Variants in PALS2 observed in about 807,000 individuals in gnomAD.
The protein encoded by PALS2 is protein associated with LIN7 2, MAGUK p55 family member, also known as protein PALS2.
Under a neutral mutation model 61.6 loss-of-function variants are expected in PALS2, and 27 were observed. The ratio of observed to expected loss-of-function variants is 0.44; its 90% CI spans 0.32 to 0.60. PALS2 has a LOEUF of 0.60. PALS2 is among the 20% of genes least tolerant of loss of function. The pLI is 0.05. For missense variants in PALS2, 554 were observed against 639.4 expected (o/e 0.87, Z 1.44); for synonymous variants, 236 against 218.6 (o/e 1.08, Z -0.70).
intron 2 of PALS2, among the ~76,000 whole-genome samples, chr7:24,633,350 G>GTTTTTT (rs35300093): frequency 2.8e-5 from 3 of 106,242 alleles, no homozygotes; most frequent in East Asian, 2.9e-4. Context: ...GGTTGGTGGA[G>GTTTTTT]TTTTTTTTTT....
chr7:24,627,552 C>CA (rs1303554056), intron 2 of PALS2, among the ~76,000 whole-genome samples: 1 of 151,876 alleles, frequency 6.6e-6, no homozygotes, highest in African/African-American at 2.4e-5. Flanking sequence ...AAAAACCCTT[C>CA]AAAAAAACAA....
intron 3 of PALS2, among the ~76,000 whole-genome samples, chr7:24,649,328 A>G (rs1786017291): frequency 6.6e-6 from 1 of 152,160 alleles, no homozygotes. Flanking sequence ...CTGGAAACCT[A>G]GGTTCAGTTT....
intron 1 of PALS2, among the ~76,000 whole-genome samples, chr7:24,595,548 AT>A (rs1384790929): frequency 1.1e-4 from 15 of 136,690 alleles, no homozygotes; most frequent in African/African-American, 3.8e-4. Flanking sequence ...TAATATATAA[AT>A]ATATATTAAC....
chr7:24,621,079 C>T (rs1467047110), intron 1 of PALS2, among the ~76,000 whole-genome samples: 1 of 152,140 alleles, frequency 6.6e-6, no homozygotes, highest in Non-Finnish European at 1.5e-5. Flanking sequence ...CTATTGTTCC[C>T]TGCCCACTTA....
intron 9 of PALS2, among the ~76,000 whole-genome samples, chr7:24,674,891 T>C (rs1787480577): frequency 6.6e-6 from 1 of 152,192 alleles, no homozygotes; most frequent in African/African-American, 2.4e-5. Flanking sequence ...AGTATTACTT[T>C]GTTGATTGTG....
At chr7:24,632,098 A>G (rs895146054) in intron 2 of PALS2, among the ~76,000 whole-genome samples, 1 of 152,192 alleles carries the variant, frequency 6.6e-6, no homozygotes, top group East Asian at 1.9e-4. Context: ...CAGTTCTGTC[A>G]GATTTTACCT....
intron 1 of PALS2, chr7:24,597,168 C>T (rs1039818832): frequency 1.3e-5 from 2 of 151,948 alleles, no homozygotes; most frequent in African/African-American, 2.4e-5. Context: ...TGGGGAAAAA[C>T]GTAAAGAAGG....
intron 1 of PALS2, among the ~76,000 whole-genome samples, chr7:24,612,160 C>T (rs956694956): frequency 2.0e-5 from 3 of 151,846 alleles, no homozygotes; most frequent in Non-Finnish European, 4.4e-5. Context: ...TAATACTTTG[C>T]TGCTGTTTTA....
chr7:24,621,996 T>C (rs370002558), intron 1 of PALS2, among the ~76,000 whole-genome samples: 2 of 152,060 alleles, frequency 1.3e-5, no homozygotes, highest in African/African-American at 4.8e-5. Flanking sequence ...CATAAATGTA[T>C]GGATTTGTTT....
chr7:24,653,333 A>G (rs192299405), intron 5 of PALS2, among the ~76,000 whole-genome samples: 5 of 152,284 alleles, frequency 3.3e-5, no homozygotes, highest in Admixed American at 1.3e-4. Flanking sequence ...ATAAAATTCA[A>G]TGATTTTTAA....
chr7:24,671,034 A>G (rs1314868164), intron 9 of PALS2, among the ~76,000 whole-genome samples: 1 of 152,148 alleles, frequency 6.6e-6, no homozygotes, highest in East Asian at 1.9e-4. Flanking sequence ...TCTCTTGGGT[A>G]TATACCTTGG....
chr7:24,621,101 T>C (rs1050075542), intron 1 of PALS2, among the ~76,000 whole-genome samples: 1 of 152,192 alleles, frequency 6.6e-6, no homozygotes, highest in Admixed American at 6.5e-5. Flanking sequence ...AGGTAACTTG[T>C]TGACCTTAAG....
At position 24,691,405 on chromosome 7, in the gene PALS2, GTATATATATATATA is replaced by G. The variant is rs70942878; in HGVS notation, c.*3818_*3831del. On this transcript the variant is annotated 3_prime_UTR_variant, in exon 12 of 12. Transcript: ENST00000222644. ...ATATTATGTATGTGTGTGTGTGTGTGTATATATATATATATATATATATATATATATATATATAT... is the reference window on the plus strand; with the variant it reads ...ATATTATGTATGTGTGTGTGTGTGTGTATATATATATATATATATATATAT... 4.1e-3 allele frequency: 455 copies of G among 110,606 alleles called. 5 individuals are homozygous for G. The highest frequency in any genetic ancestry group is 5.5e-3 in the Non-Finnish European group (288 of 52,298). 6.9% of individuals were successfully genotyped at this position (110,606 alleles called of 1,614,324 possible).
chr7:24,632,248 A>G (rs1056965544), intron 2 of PALS2, among the ~76,000 whole-genome samples: 3 of 152,210 alleles, frequency 2.0e-5, no homozygotes, highest in African/African-American at 7.2e-5. Flanking sequence ...CCTGTCTGAA[A>G]TTAATATAGC....
At chr7:24,649,589 C>G (rs563696503) in intron 3 of PALS2, 23 bp from the exon 4 acceptor site, 1 of 1,520,860 alleles carries the variant, frequency 6.6e-7, no homozygotes, top group Non-Finnish European at 8.8e-7. Context: ...TAAATAACCA[C>G]AGGCTATTTT....
rs6950073 is a variant in PALS2, at chr7:24,573,734, G to A, written c.-3+141G>A. 0.17 allele frequency: 24,980 copies of A among 148,812 alleles called. 2,173 individuals are homozygous for A. The highest frequency in any genetic ancestry group is 0.18 in the Non-Finnish European group (12,450 of 67,324). The allele number at this position is 148,812 out of a possible 1,614,324, so 9.2% of individuals were successfully genotyped here. ...CCCCCCTCGGCACCTGGGCTTCGGC[G>A]GGCGCGGGGAAGAGGGACCGGCAGG... On this transcript the variant is annotated intron_variant, in intron 1 of 11. Coordinates refer to ENST00000222644, the MANE Select transcript of PALS2 (RefSeq NM_001303037.2). This position sits in a 1 kb window ranked among gnomAD's most constrained non-coding sequence, Gnocchi z 5.3.
At position 24,691,179 on chromosome 7, in the gene PALS2, C is replaced by T. The variant is rs1788448813; in HGVS notation, c.*3565C>T. 1 of 151,716 alleles carries T rather than the reference C, an allele frequency of 6.6e-6. No homozygotes were observed. Among genetic ancestry groups the T allele is most frequent in the Non-Finnish European group, 1.5e-5 (1 of 67,874 alleles). The allele number at this position is 151,716 out of a possible 1,614,324, so 9.4% of individuals were successfully genotyped here. On this transcript the variant is annotated 3_prime_UTR_variant, in exon 12 of 12. Transcript: ENST00000222644. ...TTTTGAATTGGCAAACTAAAGATAA[C>T]AATTTTGAAAATTGCTCAAAATAAT... is the stretch of plus-strand genomic sequence containing the variant.
In PALS2 at chr7:24,682,194, A is replaced by G. The variant is rs74361872; in HGVS notation, c.1446+1674A>G. 7.4e-3 allele frequency among the ~76,000 whole-genome samples: 1,123 copies of G among 152,234 alleles called. 10 individuals carry two copies. The highest frequency in any genetic ancestry group is 9.3e-3 in the Non-Finnish European group (635 of 68,010). Reference sequence around the variant, plus strand: ...AATCCCCACAAATAAGGCAAGACCCATTTGGTACTCCTACCACAGGGCTTG... The same window carrying G: ...AATCCCCACAAATAAGGCAAGACCCGTTTGGTACTCCTACCACAGGGCTTG... On this transcript the variant is annotated intron_variant, in intron 11 of 11. Coordinates refer to ENST00000222644, the MANE Select transcript of PALS2 (RefSeq NM_001303037.2).
At position 24,618,635 on chromosome 7, in the gene PALS2, G is replaced by T. The variant is rs562965962; in HGVS notation, c.-2-5031G>T. ...GTAGTAAGGATTGCATGTGTTTGCA[G>T]TGGGAGTGGAGGCTGCTGAGGTTCC... On this transcript the variant is annotated intron_variant, in intron 1 of 11. Coordinates refer to ENST00000222644, the MANE Select transcript of PALS2 (RefSeq NM_001303037.2). The surrounding 1 kb of genome is among the most constrained non-coding windows in gnomAD (Gnocchi z 5.1). Among the ~76,000 whole-genome samples the T allele has an allele frequency of 6.6e-6, 1 of 152,378 alleles. No individual in the cohort carries two copies. The highest frequency in any genetic ancestry group is 2.1e-4 in the South Asian group (1 of 4,828).
Sources: allele counts gnomAD v4.1 joint callset (sites outside exome capture counted in the v4.1 genomes callset), GRCh38; gene constraint gnomAD v4.1.1; non-coding constraint Gnocchi (gnomAD v3.1); transcripts MANE v1.5; gene names NCBI Gene and HGNC (gene_info 2026-07-23, HGNC 2026-07-21).